The following SPTY2D1 variants were observed in gnomAD, a reference collection of about 807,000 sequenced individuals.
SPTY2D1 encodes the protein SPT2 chromatin protein domain containing 1, also known as protein SPT2 homolog.
SPTY2D1 carries 21 observed loss-of-function variants against 64.0 expected under a neutral mutation model. That is an observed-to-expected ratio of 0.33 (90% CI 0.23 to 0.47). SPTY2D1 has a LOEUF of 0.47. Ranked by LOEUF, SPTY2D1 falls within the 20% of genes least tolerant of loss-of-function variation. SPTY2D1 has a pLI of 1.00. For synonymous variants in SPTY2D1, 287 were observed against 286.8 expected, an observed-to-expected ratio of 1.00 and a Z score of -0.01; for missense variants, 724 against 837.2, an observed-to-expected ratio of 0.86 and a Z score of 1.67.
intron 2 of SPTY2D1, among the ~76,000 whole-genome samples, chr11:18,616,497 AG>A (rs1854301551): frequency 6.6e-6 from 1 of 152,190 alleles, no homozygotes; most frequent in Non-Finnish European, 1.5e-5. Context: ...TCTCTATTTT[AG>A]CCTTTTAGAT....
Position 18,608,883 on chromosome 11 carries a change from C to T in SPTY2D1, c.*978G>A, listed in dbSNP as rs1379307597. 6.6e-6 allele frequency: 1 copy of T among 152,140 alleles called. No homozygotes were observed. Among genetic ancestry groups the T allele is most frequent in the Non-Finnish European group, 1.5e-5 (1 of 67,810 alleles). The allele number at this position is 152,140 out of a possible 1,614,324, so 9.4% of individuals were successfully genotyped here. ...TACCATAAATTTAGTTTTTGGTTTT[C>T]TGCCATTAATATTTGCTAACAAATT... On this transcript the variant is annotated 3_prime_UTR_variant, in exon 6 of 6. Coordinates refer to ENST00000336349, the MANE Select transcript of SPTY2D1 (RefSeq NM_194285.3).
At position 18,612,553 on chromosome 11, in the gene SPTY2D1, CTG is replaced by C. The variant is rs751242730; in HGVS notation, c.1712-67_1712-66del. The C allele has an allele frequency of 1.1e-4, 159 of 1,394,804 alleles. No individual in the cohort carries two copies. The highest frequency in any genetic ancestry group is 1.4e-4 in the Non-Finnish European group (143 of 1,048,922). 86.4% of individuals were successfully genotyped at this position (1,394,804 alleles called of 1,614,324 possible). A position where few individuals can be genotyped will look rare whatever the true frequency, so the allele number is the denominator to read the frequency against. ...TAGTTCCAATGCAGTTCTATGTAAA[CTG>C]AAATTGTGAGTCATCATTAAGATGG... On this transcript the variant is annotated intron_variant, in intron 3 of 5. Transcript: ENST00000336349. The surrounding 1 kb of genome is among the most constrained non-coding windows in gnomAD (Gnocchi z 4.6).
intron 1 of SPTY2D1, among the ~76,000 whole-genome samples, chr11:18,625,817 CT>C (rs779130410): frequency 1.6e-3 from 194 of 118,884 alleles, no homozygotes; most frequent in Admixed American, 2.0e-3. Context: ...CCAACACTTT[CT>C]TTTTTTTTTT....
chr11:18,616,728 C>A, intron 2 of SPTY2D1, 147 bp downstream of exon 2: 1 of 536,124 alleles, frequency 1.9e-6, no homozygotes, highest in South Asian at 3.0e-5. Flanking sequence ...AGTCAGTTAA[C>A]CTGGACACAC....
chr11:18,627,648 G>T (rs111597750), intron 1 of SPTY2D1, among the ~76,000 whole-genome samples: 1 of 152,150 alleles, frequency 6.6e-6, no homozygotes. Flanking sequence ...GGAGGCCGAG[G>T]GGGGTGGATC....
chr11:18,626,851 T>C (rs76445279), intron 1 of SPTY2D1, among the ~76,000 whole-genome samples: 1,531 of 152,194 alleles, frequency 0.01, 26 homozygotes, highest in African/African-American at 0.031. Context: ...AGGTGAACAG[T>C]AGTTTCTAAA....
In SPTY2D1 at chr11:18,612,931, A is replaced by C. The variant is rs1431728965; in HGVS notation, c.1712-443T>G. Among the ~76,000 whole-genome samples, 8 of 152,032 alleles carry C rather than the reference A, an allele frequency of 5.3e-5. No homozygotes were observed. Among genetic ancestry groups the C allele is most frequent in the Non-Finnish European group, 8.8e-5 (6 of 67,992 alleles). ...AGGCATGTGCCACAACGCCTGGCTA[A>C]TTTTGTATTTTTAGTAGAGATGGGG... On this transcript the variant is annotated intron_variant, in intron 3 of 5. Transcript: ENST00000336349. This position sits in a 1 kb window ranked among gnomAD's most constrained non-coding sequence, Gnocchi z 4.6.
At chr11:18,632,462 T>C (rs1300432731) in intron 1 of SPTY2D1, among the ~76,000 whole-genome samples, 1 of 151,966 alleles carries the variant, frequency 6.6e-6, no homozygotes, top group Admixed American at 6.6e-5. Flanking sequence ...AGCAATTCTG[T>C]CTCAGCCTCC....
intron 1 of SPTY2D1, among the ~76,000 whole-genome samples, chr11:18,625,031 C>T (rs775466388): frequency 2.6e-5 from 4 of 152,160 alleles, no homozygotes; most frequent in Non-Finnish European, 4.4e-5. Flanking sequence ...TCCATGAAAG[C>T]TGTTCTTTAC....
Position 18,609,225 on chromosome 11 carries a change from C to T in SPTY2D1, c.*636G>A, listed in dbSNP as rs1269618181. On this transcript the variant is annotated 3_prime_UTR_variant, in exon 6 of 6. Coordinates refer to ENST00000336349, the MANE Select transcript of SPTY2D1 (RefSeq NM_194285.3). Reference sequence around the variant, plus strand: ...CTGTATTTTAACTTGAAAATTTTTTCATTAATTCCTAGCCACCTAAATTAA... The same window carrying T: ...CTGTATTTTAACTTGAAAATTTTTTTATTAATTCCTAGCCACCTAAATTAA... 6.6e-6 allele frequency: 1 copy of T among 152,364 alleles called. No homozygotes were observed. Among genetic ancestry groups the T allele is most frequent in the African/African-American group, 2.4e-5 (1 of 41,432 alleles). The allele number at this position is 152,364 out of a possible 1,614,324, so 9.4% of individuals were successfully genotyped here.
intron 1 of SPTY2D1, among the ~76,000 whole-genome samples, chr11:18,629,516 T>C (rs1231574475): frequency 6.6e-6 from 1 of 152,110 alleles, no homozygotes; most frequent in Non-Finnish European, 1.5e-5. Flanking sequence ...AAAAAAATTA[T>C]AGCTATGTGA....
chr11:18,610,464 C>G (rs539928038), intron 5 of SPTY2D1, among the ~76,000 whole-genome samples: 28 of 152,032 alleles, frequency 1.8e-4, no homozygotes, highest in African/African-American at 6.3e-4. Context: ...GAGTTTGAGA[C>G]CAGCCTGGCC....
intron 1 of SPTY2D1, among the ~76,000 whole-genome samples, chr11:18,621,500 AC>A (rs1854404372): frequency 6.6e-6 from 1 of 152,186 alleles, no homozygotes; most frequent in Non-Finnish European, 1.5e-5. Context: ...CAAAGTATAC[AC>A]CTATTCTCAT....
rs1854166275 is a variant in SPTY2D1, at chr11:18,609,776, AATG to A, written c.*82_*84del. On this transcript the variant is annotated 3_prime_UTR_variant, in exon 6 of 6. Coordinates refer to ENST00000336349, the MANE Select transcript of SPTY2D1 (RefSeq NM_194285.3). ...CTTGAGTACCCAAGTATAAATCTAA[AATG>A]ATAAGGGGGCTTCTTCAGTCTGAAG... is the stretch of plus-strand genomic sequence containing the variant. 3 of 1,238,170 alleles carry A rather than the reference AATG, an allele frequency of 2.4e-6. No homozygotes were observed. The highest frequency in any genetic ancestry group is 3.5e-6 in the Non-Finnish European group (3 of 863,236). The allele number at this position is 1,238,170 out of a possible 1,614,324, so 76.7% of individuals were successfully genotyped here.
At chr11:18,619,758 T>A (rs1854361486) in intron 1 of SPTY2D1, among the ~76,000 whole-genome samples, 1 of 151,930 alleles carries the variant, frequency 6.6e-6, no homozygotes, top group Non-Finnish European at 1.5e-5. Context: ...TCCGTCTCAA[T>A]AAACAAAAAA....
At chr11:18,622,440 T>C (rs1854427028) in intron 1 of SPTY2D1, among the ~76,000 whole-genome samples, 1 of 152,086 alleles carries the variant, frequency 6.6e-6, no homozygotes, top group Non-Finnish European at 1.5e-5. Flanking sequence ...TGTGGGAGGA[T>C]GGCTTCCGCC....
rs1208847314 is a variant in SPTY2D1, at chr11:18,606,713, ATATT to A, written c.*3144_*3147del. 2.0e-5 allele frequency: 8 copies of A among 404,976 alleles called. No homozygotes were observed. The Admixed American group carries it at 2.9e-4, about 15-fold the overall frequency. The allele number at this position is 404,976 out of a possible 1,614,324, so 25.1% of individuals were successfully genotyped here. On this transcript the variant is annotated 3_prime_UTR_variant, in exon 6 of 6. Coordinates refer to ENST00000336349, the MANE Select transcript of SPTY2D1 (RefSeq NM_194285.3). ...AATAAAACAACCAGTCTCTCTTCATATATTTATTCTCTTTCCAAACATGTTTTGG... is the reference window on the plus strand; with the variant it reads ...AATAAAACAACCAGTCTCTCTTCATATATTCTCTTTCCAAACATGTTTTGG...
At chr11:18,621,075 G>T (rs1419153293) in intron 1 of SPTY2D1, among the ~76,000 whole-genome samples, 2 of 151,540 alleles carry the variant, frequency 1.3e-5, no homozygotes. Flanking sequence ...AGGCTGAAGC[G>T]GGTGGATCAC....
At chr11:18,627,679 C>G (rs1434991484) in intron 1 of SPTY2D1, among the ~76,000 whole-genome samples, 1 of 152,056 alleles carries the variant, frequency 6.6e-6, no homozygotes, top group Non-Finnish European at 1.5e-5. Context: ...GAGATCGAGA[C>G]CATCCTGGCT....
Sources: allele counts gnomAD v4.1 joint callset (sites outside exome capture counted in the v4.1 genomes callset), GRCh38; gene constraint gnomAD v4.1.1; non-coding constraint Gnocchi (gnomAD v3.1); transcripts MANE v1.5; gene names NCBI Gene and HGNC (gene_info 2026-07-23, HGNC 2026-07-21).